PTPRN2: variants seen among roughly 807,000 people sequenced by gnomAD.
The protein encoded by PTPRN2 is receptor-type tyrosine-protein phosphatase N2.
A neutral mutation model predicts 118.8 loss-of-function variants in PTPRN2; 74 were observed. The ratio of observed to expected loss-of-function variants is 0.62; its 90% CI spans 0.52 to 0.76. The LOEUF (loss-of-function observed/expected upper bound fraction) is 0.76. Ranked by LOEUF, PTPRN2 falls within the 30% of genes least tolerant of loss-of-function variation. The pLI, the probability that PTPRN2 is intolerant of heterozygous loss-of-function variation, is 0.00. For missense variants in PTPRN2, 1,481 were observed against 1,394.4 expected (o/e 1.06, Z -0.99); for synonymous variants, 641 against 608.0 (o/e 1.05, Z -0.80).
At chr7:158,021,562 G>A (rs1806872603) in intron 11 of PTPRN2, among the ~76,000 whole-genome samples, 2 of 152,068 alleles carry the variant, frequency 1.3e-5, no homozygotes, top group Admixed American at 6.6e-5. Context: ...CCCGAGAGAT[G>A]GGTGCAGAAG....
At chr7:158,165,952 CA>C (rs1243257954) in intron 6 of PTPRN2, among the ~76,000 whole-genome samples, 1 of 152,156 alleles carries the variant, frequency 6.6e-6, no homozygotes, top group Non-Finnish European at 1.5e-5. Context: ...GAAATCCAGA[CA>C]GGGGGCTTCG....
At chr7:158,186,666 G>A (rs1249287327) in intron 5 of PTPRN2, among the ~76,000 whole-genome samples, 9 of 144,056 alleles carry the variant, frequency 6.2e-5, no homozygotes, top group East Asian at 2.1e-4. Context: ...GCATGAGCGC[G>A]CCTGGGCCTA....
intron 5 of PTPRN2, among the ~76,000 whole-genome samples, chr7:158,177,645 TC>T (rs1399790001): frequency 6.6e-6 from 1 of 152,158 alleles, no homozygotes; most frequent in Non-Finnish European, 1.5e-5. Flanking sequence ...TAACAATAGC[TC>T]CTCTTTTGTC....
intron 10 of PTPRN2, among the ~76,000 whole-genome samples, chr7:158,095,984 T>C (rs1013962028): frequency 1.3e-5 from 2 of 152,196 alleles, no homozygotes; most frequent in Non-Finnish European, 2.9e-5. Context: ...AAATCCAGCA[T>C]TTACCCAATG....
intron 2 of PTPRN2, among the ~76,000 whole-genome samples, chr7:158,352,813 G>A (rs1808106023): frequency 6.6e-6 from 1 of 152,262 alleles, no homozygotes; most frequent in Admixed American, 6.5e-5. Flanking sequence ...TCAGGTGAGA[G>A]CAGAGATAGA....
intron 2 of PTPRN2, among the ~76,000 whole-genome samples, chr7:158,419,128 T>A (rs1203018761): frequency 1.3e-5 from 2 of 152,234 alleles, no homozygotes; most frequent in African/African-American, 4.8e-5. Flanking sequence ...AGGTTCTGTG[T>A]TTAAATATTG....
intron 3 of PTPRN2, among the ~76,000 whole-genome samples, chr7:158,273,392 G>GCAGACATGGGAGGAGCCGCAGA: frequency 1.4e-5 from 2 of 143,554 alleles, no homozygotes; most frequent in African/African-American, 5.9e-5. Flanking sequence ...CGTCGTGGAT[G>GCAGACATGGGAGGAGCCGCAGA]CAGACACGGG....
chr7:157,917,929 C>T (rs531742594), intron 11 of PTPRN2, among the ~76,000 whole-genome samples: 8 of 152,216 alleles, frequency 5.3e-5, no homozygotes, highest in South Asian at 2.1e-4. Context: ...GCTTTCCCAA[C>T]GCAAATTTCA....
At chr7:158,443,535 C>T (rs1817508781) in intron 2 of PTPRN2, among the ~76,000 whole-genome samples, 1 of 152,138 alleles carries the variant, frequency 6.6e-6, no homozygotes, top group Non-Finnish European at 1.5e-5. Flanking sequence ...TACCAGGATG[C>T]CTCAGGGAGG....
rs777299869 is a variant in PTPRN2 at position 157,716,679 on chromosome 7, G to T, written c.1789-33742C>A. Among the ~76,000 whole-genome samples, 7 of 49,246 alleles carry T rather than the reference G, an allele frequency of 1.4e-4. No homozygotes were observed. The East Asian group carries it at 3.7e-3, about 26-fold the overall frequency. The allele number at this position is 49,246 out of a possible 152,430, so 32.3% of individuals were successfully genotyped here. On this transcript the variant is annotated intron_variant, in intron 12 of 22. Coordinates refer to ENST00000389418, the MANE Select transcript of PTPRN2 (RefSeq NM_002847.5). Reference sequence around the variant, plus strand: ...CACTGCCTGGCCACGTAGACTCTGCGGGAACACTGCCTGGTCACACAGACT... The same window carrying T: ...CACTGCCTGGCCACGTAGACTCTGCTGGAACACTGCCTGGTCACACAGACT...
Position 157,550,012 on chromosome 7 carries a change from T to C in PTPRN2, c.2903-993A>G, listed in dbSNP as rs1269408787. Among the ~76,000 whole-genome samples, 3 of 152,126 alleles carry C rather than the reference T, an allele frequency of 2.0e-5. No individual in the cohort carries two copies. The highest frequency in any genetic ancestry group is 6.5e-5 in the Admixed American group (1 of 15,276). The stretch of plus-strand genomic sequence containing the variant: ...CACAGACAGGAAGAAGCCGCAGCCA[T>C]TGGAACCCCAACTACCGTGGGCAGG... On this transcript the variant is annotated intron_variant, in intron 21 of 22. Transcript: ENST00000389418. This position sits in a 1 kb window ranked among gnomAD's most constrained non-coding sequence, Gnocchi z 5.2.
rs145358136 is a variant in PTPRN2, at chr7:158,236,400, G to A, written c.278-31127C>T. ...CGCAGGCCACCCCTCTAGCCACCGT[G>A]CTCATTCAGAAGCCACACCAGACAA... On this transcript the variant is annotated intron_variant, in intron 3 of 22. Coordinates refer to ENST00000389418, the MANE Select transcript of PTPRN2 (RefSeq NM_002847.5). Among the ~76,000 whole-genome samples, 107 of 152,240 alleles carry A rather than the reference G, an allele frequency of 7.0e-4. 1 individual carries two copies. The East Asian group carries it at 0.019, about 28-fold the overall frequency.
intron 3 of PTPRN2, among the ~76,000 whole-genome samples, chr7:158,287,928 C>G (rs1253997180): frequency 6.6e-6 from 1 of 152,062 alleles, no homozygotes; most frequent in Non-Finnish European, 1.5e-5. Flanking sequence ...TCCCCTACTG[C>G]TACATTACAG....
intron 10 of PTPRN2, among the ~76,000 whole-genome samples, chr7:158,097,696 C>T (rs1814749850): frequency 6.6e-6 from 1 of 152,218 alleles, no homozygotes; most frequent in Non-Finnish European, 1.5e-5. Context: ...GCCACAATCA[C>T]GTCGTAAAAA....
chr7:157,572,349 G>A (rs1271854601), intron 19 of PTPRN2, among the ~76,000 whole-genome samples: 2 of 152,218 alleles, frequency 1.3e-5, no homozygotes, highest in Non-Finnish European at 2.9e-5. Context: ...AATGTGCTGC[G>A]TGAACTCCTA....
chr7:158,451,107 G>A (rs1818070192), intron 2 of PTPRN2, among the ~76,000 whole-genome samples: 1 of 152,238 alleles, frequency 6.6e-6, no homozygotes, highest in Admixed American at 6.5e-5. Flanking sequence ...TAATTAGGTT[G>A]AAGACCATTT....
intron 12 of PTPRN2, among the ~76,000 whole-genome samples, chr7:157,844,062 C>T (rs1292136645): frequency 2.0e-5 from 3 of 151,544 alleles, no homozygotes; most frequent in Admixed American, 6.6e-5. Flanking sequence ...CGGTGTGGAA[C>T]GCAGGCCCCT....
chr7:158,145,174 G>C (rs1448507084), intron 6 of PTPRN2, among the ~76,000 whole-genome samples: 1 of 150,402 alleles, frequency 6.6e-6, no homozygotes, highest in Non-Finnish European at 1.5e-5. Flanking sequence ...ACATCATCGT[G>C]AGAAGGTTCC....
intron 3 of PTPRN2, among the ~76,000 whole-genome samples, chr7:158,316,097 G>T (rs1802299517): frequency 6.6e-6 from 1 of 152,244 alleles, no homozygotes; most frequent in South Asian, 2.1e-4. Flanking sequence ...GAGGTGATCA[G>T]CCAGCCGCCG....
Sources: gnomAD v4.1 joint callset for allele counts (sites outside exome capture counted in the v4.1 genomes callset) on GRCh38, gnomAD v4.1.1 for gene constraint, Gnocchi (gnomAD v3.1) non-coding constraint, MANE v1.5 for transcripts, NCBI Gene and HGNC (gene_info 2026-07-23, HGNC 2026-07-21) for gene names.